CLYBL: variants seen among roughly 807,000 people sequenced by gnomAD.
CLYBL encodes the protein citramalyl-CoA lyase.
A neutral mutation model predicts 38.9 loss-of-function variants in CLYBL; 31 were observed. That is an observed-to-expected ratio of 0.80 (90% CI 0.60 to 1.08). CLYBL has a LOEUF of 1.08. Among genes scored for constraint, CLYBL ranks in the 50% least tolerant of loss-of-function variants. The pLI, the probability that CLYBL is intolerant of heterozygous loss-of-function variation, is 0.00. For missense variants in CLYBL, 434 were observed against 411.6 expected (o/e 1.05, Z -0.47); for synonymous variants, 171 against 158.6 (o/e 1.08, Z -0.59).
At chr13:99,687,303 A>G (rs1206415660) in intron 1 of CLYBL, among the ~76,000 whole-genome samples, 1 of 152,236 alleles carries the variant, frequency 6.6e-6, no homozygotes, top group Non-Finnish European at 1.5e-5. Flanking sequence ...TGAATTAGCC[A>G]TACCTTTTAC....
intron 1 of CLYBL, among the ~76,000 whole-genome samples, chr13:99,646,341 G>A (rs547458558): frequency 1.3e-5 from 2 of 152,014 alleles, no homozygotes; most frequent in Non-Finnish European, 1.5e-5. Flanking sequence ...GGGGGAAGAA[G>A]GGTTGCTGAA....
In CLYBL at chr13:99,606,721, C is replaced by A. The variant is rs535296456; in HGVS notation, c.26C>A (p.Ala9Glu). 1.3e-6 allele frequency: 2 copies of A among 1,490,184 alleles called. No homozygotes were observed. Among genetic ancestry groups the A allele is most frequent in the Non-Finnish European group, 1.8e-6 (2 of 1,126,406 alleles). 92.3% of individuals were successfully genotyped at this position (1,490,184 alleles called of 1,614,324 possible). The change falls in exon 1 of 9, where the codon GCG becomes GAG. Residue 9 changes from alanine (A) to glutamate (E), a missense_variant. Coordinates refer to ENST00000339105, the MANE Select transcript of CLYBL (RefSeq NM_206808.5). MALRLLRRAARGAAAAALL... is the reference protein window; with the variant it reads MALRLLRREARGAAAAALL... ...ATGGCGCTACGTCTGCTGCGGAGGG[C>A]GGCGCGCGGAGCTGCGGCGGCGGCG...
intron 1 of CLYBL, among the ~76,000 whole-genome samples, chr13:99,767,016 C>T (rs2049282487): frequency 6.6e-6 from 1 of 152,240 alleles, no homozygotes; most frequent in Non-Finnish European, 1.5e-5. Flanking sequence ...CCTTCAGGCA[C>T]TTGCGATGCT....
At chr13:99,650,273 T>C (rs964443926) in intron 1 of CLYBL, among the ~76,000 whole-genome samples, 1 of 147,660 alleles carries the variant, frequency 6.8e-6, no homozygotes, top group Admixed American at 6.7e-5. Context: ...AAAAAAAAAA[T>C]CAGAGTGGTA....
chr13:99,800,910 A>AC (rs1491353928), intron 2 of CLYBL, among the ~76,000 whole-genome samples: 46 of 150,844 alleles, frequency 3.0e-4, no homozygotes, highest in African/African-American at 9.5e-4. Context: ...AAAAAAACAA[A>AC]AAAAAAAAAA....
chr13:99,712,331 CTTT>C (rs766784946), intron 1 of CLYBL, among the ~76,000 whole-genome samples: 3 of 120,828 alleles, frequency 2.5e-5, no homozygotes, highest in Admixed American at 8.9e-5. Flanking sequence ...TAGCAATTGA[CTTT>C]TTTTTTTTTT....
At chr13:99,749,179 C>T (rs1471806468) in intron 1 of CLYBL, among the ~76,000 whole-genome samples, 1 of 116,492 alleles carries the variant, frequency 8.6e-6, no homozygotes, top group Non-Finnish European at 1.8e-5. Context: ...GACTCTGTCT[C>T]AAAAAAAAAA....
chr13:99,884,632 G>A (rs1440786908), intron 7 of CLYBL, among the ~76,000 whole-genome samples: 1 of 152,186 alleles, frequency 6.6e-6, no homozygotes, highest in South Asian at 2.1e-4. Flanking sequence ...GCCCTGTGAG[G>A]TCAGGGACCA....
At chr13:99,890,889 C>T (rs2052472088) in intron 7 of CLYBL, among the ~76,000 whole-genome samples, 1 of 152,170 alleles carries the variant, frequency 6.6e-6, no homozygotes, top group African/African-American at 2.4e-5. Flanking sequence ...AATTATGTTA[C>T]AGCAAGGAGG....
Position 99,639,320 on chromosome 13 carries a change from A to G in CLYBL, c.62+32563A>G, listed in dbSNP as rs180922976. ...TCATTAATGCCCACACAATGTGTGT[A>G]TTGTTATTTGTAGATTCCATTACTC... On this transcript the variant is annotated intron_variant, in intron 1 of 8. Transcript: ENST00000339105. Among the ~76,000 whole-genome samples, 17 of 152,312 alleles carry G rather than the reference A, an allele frequency of 1.1e-4. No homozygotes were observed. In the East Asian group the frequency reaches 3.3e-3, roughly 29 times the overall value.
chr13:99,763,980 A>G (rs2138748944), intron 1 of CLYBL, among the ~76,000 whole-genome samples: 1 of 152,106 alleles, frequency 6.6e-6, no homozygotes, highest in East Asian at 1.9e-4. Context: ...TGGTTTTGGT[A>G]TCAGGGTAAT....
chr13:99,783,079 G>A (rs532493128), intron 2 of CLYBL, among the ~76,000 whole-genome samples: 1 of 151,834 alleles, frequency 6.6e-6, no homozygotes, highest in South Asian at 2.1e-4. Flanking sequence ...GTCTTGCTCT[G>A]TGGCTCAGGC....
intron 1 of CLYBL, among the ~76,000 whole-genome samples, chr13:99,771,368 C>T (rs1215551004): frequency 6.6e-6 from 1 of 152,122 alleles, no homozygotes; most frequent in Non-Finnish European, 1.5e-5. Flanking sequence ...TGGCAGTCTT[C>T]ATGACATAGA....
chr13:99,844,869 A>T (rs893295115), intron 2 of CLYBL, among the ~76,000 whole-genome samples: 3 of 152,238 alleles, frequency 2.0e-5, no homozygotes, highest in African/African-American at 7.2e-5. Flanking sequence ...TGCATGGTTC[A>T]AGCCATTGAC....
chr13:99,828,154 T>C (rs1209404832), intron 2 of CLYBL, among the ~76,000 whole-genome samples: 8 of 152,232 alleles, frequency 5.3e-5, no homozygotes, highest in Admixed American at 3.3e-4. Flanking sequence ...ACCTGTTCTC[T>C]TTTGAAGAAC....
At chr13:99,821,447 A>G (rs2050586393) in intron 2 of CLYBL, among the ~76,000 whole-genome samples, 1 of 152,362 alleles carries the variant, frequency 6.6e-6, no homozygotes, top group East Asian at 1.9e-4. Context: ...TTATTGGATA[A>G]ATATACACTT....
chr13:99,776,630 T>C (rs7998536), intron 2 of CLYBL, among the ~76,000 whole-genome samples: 116,880 of 151,860 alleles, frequency 0.77, 45,186 homozygotes, highest in Middle Eastern at 0.83. Flanking sequence ...ACATTTATAT[T>C]ATCTGAGAAT....
At chr13:99,781,500 C>T (rs1487595555) in intron 2 of CLYBL, among the ~76,000 whole-genome samples, 1 of 151,636 alleles carries the variant, frequency 6.6e-6, no homozygotes, top group African/African-American at 2.4e-5. Context: ...CTGAGTTTTG[C>T]TCTTGTTGCT....
At chr13:99,686,499 G>A (rs1025154892) in intron 1 of CLYBL, among the ~76,000 whole-genome samples, 2 of 120,136 alleles carry the variant, frequency 1.7e-5, no homozygotes, top group Non-Finnish European at 3.4e-5. Context: ...AGACATAAAA[G>A]TATTTGTTTC....
Sources: gnomAD v4.1 joint callset for allele counts (sites outside exome capture counted in the v4.1 genomes callset) on GRCh38, gnomAD v4.1.1 for gene constraint, MANE v1.5 for transcripts, NCBI Gene and HGNC (gene_info 2026-07-23, HGNC 2026-07-21) for gene names.